Variants in SLAMF8 observed in about 807,000 individuals in gnomAD.
The protein encoded by SLAMF8 is SLAM family member 8, also known as B lymphocyte activator macrophage expressed.
A neutral mutation model predicts 29.0 loss-of-function variants in SLAMF8; 23 were observed. That is an observed-to-expected ratio of 0.79 (90% CI 0.57 to 1.13). The LOEUF is 1.13. Ranked by LOEUF, SLAMF8 falls within the 50% of genes most tolerant of loss-of-function variation. The pLI, the probability that SLAMF8 is intolerant of heterozygous loss-of-function variation, is 0.00. For missense variants in SLAMF8, 381 were observed against 353.1 expected (o/e 1.08, Z -0.63); for synonymous variants, 139 against 145.6 (o/e 0.96, Z 0.32).
At chr1:159,829,763 G>C in intron 1 of SLAMF8, 103 bp from the exon 2 acceptor site, 1 of 1,237,848 alleles carries the variant, frequency 8.1e-7, no homozygotes, top group South Asian at 1.5e-5. Flanking sequence ...TGGAGGGAAT[G>C]TCAGTGGAGG....
chr1:159,831,914 GC>G (rs1647516345), intron 2 of SLAMF8, among the ~76,000 whole-genome samples: 1 of 152,146 alleles, frequency 6.6e-6, no homozygotes, highest in Admixed American at 6.5e-5. Context: ...CTATTAGTGT[GC>G]CCAGCAAATC....
intron 1 of SLAMF8, among the ~76,000 whole-genome samples, chr1:159,828,880 C>A (rs372507445): frequency 4.6e-5 from 7 of 152,140 alleles, no homozygotes; most frequent in Non-Finnish European, 8.8e-5. Context: ...CTCCCATACA[C>A]GTCTGACTCA....
chr1:159,833,658 T>TC (rs775983996), intron 4 of SLAMF8, among the ~76,000 whole-genome samples: 1 of 152,048 alleles, frequency 6.6e-6, no homozygotes, highest in Non-Finnish European at 1.5e-5. Flanking sequence ...CCACCCAGCC[T>TC]CCCCCCTTCA....
In SLAMF8 at chr1:159,836,921, C is replaced by T. The variant is rs558625716; in HGVS notation, c.*1661C>T. ...TGTCAGCTTGCACCATCCCCACCTG[C>T]CACCTACAGTCAGGCCACATGCCTG... On this transcript the variant is annotated 3_prime_UTR_variant, in exon 5 of 5. Coordinates refer to ENST00000289707, the MANE Select transcript of SLAMF8 (RefSeq NM_020125.3). 9 of 985,562 alleles carry T rather than the reference C, an allele frequency of 9.1e-6. No homozygotes were observed. Among genetic ancestry groups the T allele is most frequent in the African/African-American group, 1.7e-5 (1 of 57,368 alleles). 61.1% of individuals were successfully genotyped at this position (985,562 alleles called of 1,614,324 possible).
chr1:159,828,697 G>A (rs1365003549), intron 1 of SLAMF8, among the ~76,000 whole-genome samples: 1 of 152,140 alleles, frequency 6.6e-6, no homozygotes, highest in East Asian at 1.9e-4. Flanking sequence ...GAGGGATAAG[G>A]GTAGTCAGCA....
chr1:159,835,889 T>C lies in SLAMF8; in HGVS notation c.*629T>C. 3 of 985,406 alleles carry C rather than the reference T, an allele frequency of 3.0e-6. No individual in the cohort carries two copies. Among genetic ancestry groups the C allele is most frequent in the Non-Finnish European group, 3.6e-6 (3 of 829,946 alleles). 61.0% of individuals were successfully genotyped at this position (985,406 alleles called of 1,614,324 possible). On this transcript the variant is annotated 3_prime_UTR_variant, in exon 5 of 5. Coordinates refer to ENST00000289707, the MANE Select transcript of SLAMF8 (RefSeq NM_020125.3). The stretch of plus-strand genomic sequence containing the variant: ...GAGTTCATGGGCCCTCAAAGGTAAA[T>C]TGCAGTTGTAGACACCGAGGATGGT...
In SLAMF8 at chr1:159,835,519, T is replaced by G; in HGVS notation, c.*259T>G. 1 of 1,259,088 alleles carries G rather than the reference T, an allele frequency of 7.9e-7. No individual in the cohort carries two copies. The highest frequency in any genetic ancestry group is 1.0e-6 in the Non-Finnish European group (1 of 999,594). The allele number at this position is 1,259,088 out of a possible 1,614,324, so 78.0% of individuals were successfully genotyped here. A position where few individuals can be genotyped will look rare whatever the true frequency, so the allele number is the denominator to read the frequency against. The stretch of plus-strand genomic sequence containing the variant: ...TGGGCAAGATGAGCCAAGCAGAACA[T>G]TCCATCCAGGACACTGGAAGTTCTC... On this transcript the variant is annotated 3_prime_UTR_variant, in exon 5 of 5. Coordinates refer to ENST00000289707, the MANE Select transcript of SLAMF8 (RefSeq NM_020125.3).
In SLAMF8 at chr1:159,836,883, T is replaced by C. The variant is rs1647980990; in HGVS notation, c.*1623T>C. On this transcript the variant is annotated 3_prime_UTR_variant, in exon 5 of 5. Transcript: ENST00000289707. Reference sequence around the variant, plus strand: ...CCCAAGATTACCTGAACAGGGTCCATGGCCACTCAACCTGTCAGCTTGCAC... The same window carrying C: ...CCCAAGATTACCTGAACAGGGTCCACGGCCACTCAACCTGTCAGCTTGCAC... The C allele has an allele frequency of 7.1e-6, 7 of 985,436 alleles. No homozygotes were observed. Among genetic ancestry groups the C allele is most frequent in the Non-Finnish European group, 7.2e-6 (6 of 830,002 alleles). 61.0% of individuals were successfully genotyped at this position (985,436 alleles called of 1,614,324 possible).
intron 2 of SLAMF8, among the ~76,000 whole-genome samples, chr1:159,831,627 A>C (rs61823171): frequency 2.9e-3 from 449 of 152,304 alleles, no homozygotes; most frequent in Non-Finnish European, 5.4e-3. Flanking sequence ...CCACACCACT[A>C]AGCTCTAAAA....
At chr1:159,827,199 A>C (rs1295504743) in intron 1 of SLAMF8, among the ~76,000 whole-genome samples, 2 of 152,348 alleles carry the variant, frequency 1.3e-5, no homozygotes, top group East Asian at 3.9e-4. Context: ...GGCCCAGAGC[A>C]GTAAAAACGG....
intron 2 of SLAMF8, among the ~76,000 whole-genome samples, chr1:159,830,552 T>C (rs558112911): frequency 4.1e-4 from 63 of 152,260 alleles, no homozygotes; most frequent in African/African-American, 1.5e-3. Context: ...GCATTTGCAG[T>C]GGCATCCAGG....
In SLAMF8 at chr1:159,829,853, T is replaced by C; in HGVS notation, c.41-13T>C. The C allele has an allele frequency of 6.3e-7, 1 of 1,588,928 alleles. No individual in the cohort carries two copies. The highest frequency in any genetic ancestry group is 1.1e-5 in the South Asian group (1 of 87,180). On this transcript the variant is annotated splice_polypyrimidine_tract_variant and intron_variant, in intron 1 of 4. Transcript: ENST00000289707. ...TGGGGCAGGCAGAGTGACCAGGGGC[T>C]CTGTTCTTTCAGCCCTACTTCCCAT... is the stretch of plus-strand genomic sequence containing the variant.
chr1:159,832,751 A>G (rs1430025556), intron 2 of SLAMF8, 125 bp from the exon 3 acceptor site: 1 of 1,055,328 alleles, frequency 9.5e-7, no homozygotes, highest in Non-Finnish European at 1.4e-6. Flanking sequence ...AAAGCCAGAC[A>G]AGATTTTGGA....
At chr1:159,831,780 C>T (rs1474663792) in intron 2 of SLAMF8, among the ~76,000 whole-genome samples, 2 of 152,152 alleles carry the variant, frequency 1.3e-5, no homozygotes, top group African/African-American at 4.8e-5. Flanking sequence ...TAGATAAGAA[C>T]GATTTGAATT....
At chr1:159,827,946 G>A (rs922773043) in intron 1 of SLAMF8, among the ~76,000 whole-genome samples, 11 of 151,714 alleles carry the variant, frequency 7.3e-5, no homozygotes, top group Admixed American at 1.3e-4. Context: ...CGATTCTCCT[G>A]TCTCAGCCTC....
intron 4 of SLAMF8, 101 bp from the exon 5 acceptor site, chr1:159,835,083 C>A: frequency 9.2e-7 from 1 of 1,089,644 alleles, no homozygotes; most frequent in South Asian, 1.5e-5. Context: ...CTAAGGTGAC[C>A]TTGGGCTAAC....
chr1:159,836,568 G>A lies in SLAMF8; in HGVS notation c.*1308G>A. ...TGATAACAGCGAGGAAAGAGGTATTGAAGAAACAGGGGTGGGTTTGAAGTA... is the reference window on the plus strand; with the variant it reads ...TGATAACAGCGAGGAAAGAGGTATTAAAGAAACAGGGGTGGGTTTGAAGTA... On this transcript the variant is annotated 3_prime_UTR_variant, in exon 5 of 5. Coordinates refer to ENST00000289707, the MANE Select transcript of SLAMF8 (RefSeq NM_020125.3). 1.0e-6 allele frequency: 1 copy of A among 985,440 alleles called. No individual in the cohort carries two copies. The highest frequency in any genetic ancestry group is 1.7e-5 in the African/African-American group (1 of 57,346). The allele number at this position is 985,440 out of a possible 1,614,324, so 61.0% of individuals were successfully genotyped here.
At position 159,829,942 on chromosome 1, in the gene SLAMF8, T is replaced by TC. The variant is rs776614612; in HGVS notation, c.122dup (p.Gly42TrpfsTer6). On this transcript the variant is annotated frameshift_variant, in exon 2 of 5. Transcript: ENST00000289707. LOFTEE classifies it high-confidence loss of function. ...GCTCGGTGCTGCTGGTGGCAGCGCG[T>TC]CCCCCTGGCTTCCAAGTCCGTGAGG... The TC allele has an allele frequency of 6.2e-7, 1 of 1,614,156 alleles. No individual in the cohort carries two copies. Among genetic ancestry groups the TC allele is most frequent in the African/African-American group, 1.3e-5 (1 of 75,050 alleles).
intron 4 of SLAMF8, 91 bp downstream of exon 4, chr1:159,833,460 A>G (rs1178309671): frequency 1.9e-6 from 3 of 1,583,380 alleles, no homozygotes; most frequent in East Asian, 4.5e-5. Context: ...TAGGCTTCAG[A>G]TGGTCTGCCC....
Sources: allele counts gnomAD v4.1 joint callset (sites outside exome capture counted in the v4.1 genomes callset), GRCh38; gene constraint gnomAD v4.1.1; transcripts MANE v1.5; gene names NCBI Gene and HGNC (gene_info 2026-07-23, HGNC 2026-07-21).